ALPK3: variants seen among roughly 807,000 people sequenced by gnomAD.
ALPK3 encodes the protein alpha-protein kinase 3.
In ALPK3, 102 loss-of-function variants were observed where a neutral mutation model predicts 140.0. That is an observed-to-expected ratio of 0.73 (90% CI 0.62 to 0.86). The LOEUF (loss-of-function observed/expected upper bound fraction) is 0.86, where lower values mean the gene tolerates loss of function less well. ALPK3 is among the 40% of genes least tolerant of loss of function. The pLI is 0.00. For synonymous variants in ALPK3, 938 were observed against 898.5 expected (o/e 1.04, Z -0.79); for missense variants, 2,254 against 2,208.2 (o/e 1.02, Z -0.42).
chr15:84,821,984 A>T (rs904232024), intron 1 of ALPK3, among the ~76,000 whole-genome samples: 6 of 152,050 alleles, frequency 3.9e-5, no homozygotes, highest in African/African-American at 1.4e-4. Context: ...TGGGAAGTAG[A>T]GGGAATCTGG....
Position 84,868,616 on chromosome 15 carries a change from A to G in ALPK3, c.*160A>G. On this transcript the variant is annotated 3_prime_UTR_variant, in exon 14 of 14. Coordinates refer to ENST00000258888, the MANE Select transcript of ALPK3 (RefSeq NM_020778.5). ...GCAGGCTCTCGTGAATCAGCTCGTCATCAGATGGCTTTGGTGCATGGCACA... is the reference window on the plus strand; with the variant it reads ...GCAGGCTCTCGTGAATCAGCTCGTCGTCAGATGGCTTTGGTGCATGGCACA... 1 of 724,964 alleles carries G rather than the reference A, an allele frequency of 1.4e-6. No individual in the cohort carries two copies. The allele number at this position is 724,964 out of a possible 1,614,324, so 44.9% of individuals were successfully genotyped here. A position where few individuals can be genotyped will look rare whatever the true frequency, so the allele number is the denominator to read the frequency against.
intron 8 of ALPK3, 55 bp from the exon 9 acceptor site, chr15:84,859,982 C>T (rs928843700): frequency 6.2e-7 from 1 of 1,613,914 alleles, no homozygotes; most frequent in Non-Finnish European, 8.5e-7. Context: ...TGAGAGAAGG[C>T]ACTCTCTTGG....
intron 5 of ALPK3, 44 bp downstream of exon 5, chr15:84,840,976 G>A: frequency 6.6e-7 from 1 of 1,511,110 alleles, no homozygotes; most frequent in Non-Finnish European, 8.8e-7. Context: ...CTGGGAAGCT[G>A]ACCTCATGGA....
At chr15:84,822,926 T>C (rs777279025) in intron 1 of ALPK3, among the ~76,000 whole-genome samples, 1 of 152,250 alleles carries the variant, frequency 6.6e-6, no homozygotes, top group Non-Finnish European at 1.5e-5. Flanking sequence ...GGAATGGGGC[T>C]CTTTTCTCCC....
rs760086409 is a variant in ALPK3, at chr15:84,868,299, C to T, written c.4961C>T (p.Pro1654Leu). The T allele has an allele frequency of 6.2e-7, 1 of 1,614,112 alleles. No homozygotes were observed. Among genetic ancestry groups the T allele is most frequent in the East Asian group, 2.2e-5 (1 of 44,880 alleles). The change falls in exon 14 of 14, where the codon CCT becomes CTT. Residue 1654 changes from proline to leucine, a missense_variant. By Grantham distance (98) the Pro-to-Leu change is moderately conservative (BLOSUM62 -3). This residue lies in a region of ALPK3 where 158 missense variants were observed against 159.8 expected (regional missense o/e 0.99). Transcript: ENST00000258888. ...SAGRKGSQLSPQPQKKGLPSP... is the reference protein window; with the variant it reads ...SAGRKGSQLSLQPQKKGLPSP... ...GGCAGGAAAGGCTCCCAGCTGAGTC[C>T]TCAGCCCCAGAAGAAAGGCCTCCCT...
intron 4 of ALPK3, 44 bp downstream of exon 4, chr15:84,839,141 G>C: frequency 6.6e-7 from 1 of 1,519,040 alleles, no homozygotes; most frequent in East Asian, 2.4e-5. Flanking sequence ...CCTCCCGAGG[G>C]CCCTCTGGCT....
At chr15:84,848,738 A>T (rs989755437) in intron 5 of ALPK3, among the ~76,000 whole-genome samples, 3 of 152,196 alleles carry the variant, frequency 2.0e-5, no homozygotes, top group African/African-American at 4.8e-5. Context: ...AAATATAGTG[A>T]TATAGGTCAG....
In ALPK3 at chr15:84,827,597, TC is replaced by T. The variant is rs770674513; in HGVS notation, c.297del (p.Ile99MetfsTer10). 12 of 1,614,096 alleles carry T rather than the reference TC, an allele frequency of 7.4e-6. No individual in the cohort carries two copies. The highest frequency in any genetic ancestry group is 8.5e-6 in the Non-Finnish European group (10 of 1,180,046). ...GACAGCGACGTCAGGTTCACCTGCA[TC>T]GTCACAGGTAAGGATGCTGTCTGTA... ...SEDSDVRFTC[I>X]VTGYPEPEVT... On this transcript the variant is annotated frameshift_variant, in exon 3 of 14. Coordinates refer to ENST00000258888, the MANE Select transcript of ALPK3 (RefSeq NM_020778.5). LOFTEE classifies it high-confidence loss of function.
At chr15:84,826,105 C>T (rs1489505946) in intron 2 of ALPK3, among the ~76,000 whole-genome samples, 2 of 152,194 alleles carry the variant, frequency 1.3e-5, no homozygotes, top group Admixed American at 1.3e-4. Context: ...GAAACCACAG[C>T]AGGAACCCCA....
intron 2 of ALPK3, among the ~76,000 whole-genome samples, chr15:84,825,749 T>G (rs1963479143): frequency 6.6e-6 from 1 of 152,146 alleles, no homozygotes; most frequent in Non-Finnish European, 1.5e-5. Flanking sequence ...TTCTGGAAAG[T>G]GTTGATTGAG....
At chr15:84,823,491 T>G (rs1596145297) in intron 2 of ALPK3, 123 bp downstream of exon 2, 81 of 982,268 alleles carry the variant, frequency 8.2e-5, no homozygotes, top group Middle Eastern at 2.2e-4. Context: ...AGCTGGAGGG[T>G]GGGTGGGGAG....
rs150250443 is a variant in ALPK3, at chr15:84,868,365, C to G, written c.5027C>G (p.Ala1676Gly). The G allele has an allele frequency of 5.6e-5, 90 of 1,614,068 alleles. No homozygotes were observed. In the African/African-American group the frequency reaches 1.0e-3, roughly 18 times the overall value. The change falls in exon 14 of 14, where the codon GCC (alanine) becomes GGC (glycine). Residue 1676 changes from alanine (A) to glycine (G), a missense_variant. Ala to Gly is a moderately conservative substitution (Grantham distance 60). Around this residue, in one of 3 missense-constraint regions of ALPK3, gnomAD observed 158 missense variants for 159.8 expected, o/e 0.99. Coordinates refer to ENST00000258888, the MANE Select transcript of ALPK3 (RefSeq NM_020778.5). ...CGGAAGAGTGCTCCAAGTTCCAAGG[C>G]CACCCCTCAGGCCTCAGAGCCAGTC... ...GTRKSAPSSK[A>G]TPQASEPVTT...
intron 5 of ALPK3, among the ~76,000 whole-genome samples, chr15:84,849,829 A>G (rs1334173709): frequency 6.6e-6 from 1 of 152,070 alleles, no homozygotes; most frequent in Non-Finnish European, 1.5e-5. Context: ...CAATAACCTA[A>G]GTTCCCACCT....
chr15:84,864,692 A>G, intron 12 of ALPK3, 27 bp downstream of exon 12: 1 of 1,603,126 alleles, frequency 6.2e-7, no homozygotes, highest in Non-Finnish European at 8.5e-7. Flanking sequence ...GTGCACGGGT[A>G]CGCATGTGCA....
intron 3 of ALPK3, among the ~76,000 whole-genome samples, chr15:84,837,870 C>T (rs1340618204): frequency 6.6e-6 from 1 of 152,240 alleles, no homozygotes; most frequent in Non-Finnish European, 1.5e-5. Flanking sequence ...GGCTGCTCTA[C>T]TCTTTTGAAG....
intron 3 of ALPK3, among the ~76,000 whole-genome samples, chr15:84,836,561 C>T (rs566174203): frequency 1.5e-4 from 23 of 152,292 alleles, no homozygotes; most frequent in Admixed American, 1.2e-3. Context: ...TACAGCATTG[C>T]CTCTAGGTTT....
intron 13 of ALPK3, among the ~76,000 whole-genome samples, chr15:84,867,739 C>T (rs565914362): frequency 6.6e-5 from 10 of 152,204 alleles, no homozygotes; most frequent in East Asian, 1.9e-4. Flanking sequence ...TAAAGTCCTG[C>T]GTGATGGATT....
chr15:84,846,060 T>G (rs1963727633), intron 5 of ALPK3, among the ~76,000 whole-genome samples: 1 of 151,860 alleles, frequency 6.6e-6, no homozygotes, highest in African/African-American at 2.4e-5. Flanking sequence ...AGAGTAAAGC[T>G]TCGTCTCAAA....
In ALPK3 at chr15:84,863,653, C is replaced by G. The variant is rs774980929; in HGVS notation, c.4499+13C>G. The G allele has an allele frequency of 1.2e-6, 2 of 1,612,128 alleles. No homozygotes were observed. Among genetic ancestry groups the G allele is most frequent in the Non-Finnish European group, 1.7e-6 (2 of 1,178,988 alleles). On this transcript the variant is annotated intron_variant, in intron 11 of 13. Transcript: ENST00000258888. ...GGGAGGTGCCTGAGTAAGTACGCAG[C>G]GAGGAGGACGTGCAGTGTGCAGCAC...
Sources: allele counts gnomAD v4.1 joint callset (sites outside exome capture counted in the v4.1 genomes callset), GRCh38; gene constraint gnomAD v4.1.1; regional missense constraint gnomAD v4.1.1; transcripts MANE v1.5; gene names NCBI Gene and HGNC (gene_info 2026-07-23, HGNC 2026-07-21).